FBXO22: variants seen among roughly 807,000 people sequenced by gnomAD.
The protein encoded by FBXO22 is F-box protein 22, also known as F-box only protein 22.
FBXO22 carries 13 observed loss-of-function variants against 37.2 expected under a neutral mutation model. That is an observed-to-expected ratio of 0.35 (90% CI 0.23 to 0.56). The LOEUF (loss-of-function observed/expected upper bound fraction) is 0.56, where lower values mean the gene tolerates loss of function less well. Ranked by LOEUF, FBXO22 falls within the 20% of genes least tolerant of loss-of-function variation. The pLI is 0.87. For synonymous variants in FBXO22, 189 were observed against 189.1 expected (o/e 1.00, Z 0.00); for missense variants, 446 against 509.9 (o/e 0.87, Z 1.21).
intron 2 of FBXO22, among the ~76,000 whole-genome samples, chr15:75,905,086 G>A (rs1279590063): frequency 6.6e-6 from 1 of 152,088 alleles, no homozygotes; most frequent in African/African-American, 2.4e-5. Flanking sequence ...GCCTCCCAAA[G>A]TGCTGGGATT....
At chr15:75,927,273 T>A (rs1252691928) in intron 5 of FBXO22, among the ~76,000 whole-genome samples, 3 of 152,204 alleles carry the variant, frequency 2.0e-5, no homozygotes, top group Non-Finnish European at 2.9e-5. Context: ...TGAGATTTTT[T>A]TAAAATTTTC....
rs918019733 is a variant in FBXO22, at chr15:75,939,349, G to A, written c.*6247G>A. The A allele has an allele frequency of 1.3e-5, 2 of 151,946 alleles. No individual in the cohort carries two copies. The highest frequency in any genetic ancestry group is 2.9e-5 in the Non-Finnish European group (2 of 67,976). The allele number at this position is 151,946 out of a possible 1,614,324, so 9.4% of individuals were successfully genotyped here. ...GCTCAAAGTCCTAGAAATGCAAAACGTACTACTGCTGAACTATGAAAAAAA... is the reference window on the plus strand; with the variant it reads ...GCTCAAAGTCCTAGAAATGCAAAACATACTACTGCTGAACTATGAAAAAAA... On this transcript the variant is annotated 3_prime_UTR_variant, in exon 7 of 7. Coordinates refer to ENST00000308275, the MANE Select transcript of FBXO22 (RefSeq NM_147188.3).
intron 5 of FBXO22, among the ~76,000 whole-genome samples, chr15:75,926,821 A>G (rs145351222): frequency 3.3e-4 from 50 of 152,348 alleles, no homozygotes; most frequent in African/African-American, 1.2e-3. Context: ...TACATAAGAT[A>G]AGGTGAACCT....
At chr15:75,915,873 C>T (rs933059484) in intron 4 of FBXO22, among the ~76,000 whole-genome samples, 8 of 149,764 alleles carry the variant, frequency 5.3e-5, no homozygotes, top group Non-Finnish European at 8.9e-5. Context: ...GCACTCCATC[C>T]TGGATGATAG....
intron 6 of FBXO22, among the ~76,000 whole-genome samples, chr15:75,931,657 A>C (rs1413551172): frequency 6.6e-6 from 1 of 152,216 alleles, no homozygotes; most frequent in Non-Finnish European, 1.5e-5. Context: ...AGATGTTGGA[A>C]GCATGATACA....
chr15:75,904,923 A>T (rs1899892678), intron 2 of FBXO22, among the ~76,000 whole-genome samples: 1 of 147,922 alleles, frequency 6.8e-6, no homozygotes, highest in Admixed American at 6.9e-5. Context: ...TCCCGGGTTC[A>T]CGCCATTCTC....
intron 4 of FBXO22, among the ~76,000 whole-genome samples, chr15:75,916,401 C>T (rs552829008): frequency 6.6e-6 from 1 of 152,198 alleles, no homozygotes; most frequent in Non-Finnish European, 1.5e-5. Context: ...TACAGCTGCT[C>T]TCTCACTGTG....
At chr15:75,931,274 A>AC (rs1212175631) in intron 6 of FBXO22, among the ~76,000 whole-genome samples, 1 of 151,678 alleles carries the variant, frequency 6.6e-6, no homozygotes, top group Non-Finnish European at 1.5e-5. Flanking sequence ...TAAGAGAAAC[A>AC]CCCCCCACCC....
chr15:75,919,752 G>C (rs1900277066), intron 5 of FBXO22, among the ~76,000 whole-genome samples: 2 of 152,182 alleles, frequency 1.3e-5, no homozygotes, highest in African/African-American at 4.8e-5. Context: ...AGTTTGTGGG[G>C]GGAATAGTAG....
intron 6 of FBXO22, chr15:75,930,614 T>C: frequency 1.0e-6 from 1 of 985,616 alleles, no homozygotes; most frequent in Non-Finnish European, 1.2e-6. Context: ...TCTTTTTTGT[T>C]ACTAAGGCTT....
In FBXO22 at chr15:75,904,212, C is replaced by T. The variant is rs931483895; in HGVS notation, c.140+109C>T. ...CCTTGGGACCCACCAGGGCCGTCCC[C>T]GGCTCGCTCGCCCTACCTGAGGTGA... is the stretch of plus-strand genomic sequence containing the variant. On this transcript the variant is annotated intron_variant, in intron 1 of 6. Coordinates refer to ENST00000308275, the MANE Select transcript of FBXO22 (RefSeq NM_147188.3). The T allele has an allele frequency of 4.3e-6, 6 of 1,384,362 alleles. No individual in the cohort carries two copies. The African/African-American group carries it at 7.3e-5, about 17-fold the overall frequency. 85.8% of individuals were successfully genotyped at this position (1,384,362 alleles called of 1,614,324 possible). A position where few individuals can be genotyped will look rare whatever the true frequency, so the allele number is the denominator to read the frequency against.
intron 5 of FBXO22, among the ~76,000 whole-genome samples, chr15:75,925,226 G>A (rs890313225): frequency 6.6e-6 from 1 of 152,092 alleles, no homozygotes. Flanking sequence ...TGTGAATTTT[G>A]GAAGTATTGA....
At chr15:75,908,250 A>G (rs997381515) in intron 2 of FBXO22, among the ~76,000 whole-genome samples, 2 of 150,480 alleles carry the variant, frequency 1.3e-5, no homozygotes, top group South Asian at 4.2e-4. Context: ...TGCCACTAAG[A>G]CCTAAATCTG....
intron 5 of FBXO22, among the ~76,000 whole-genome samples, chr15:75,918,449 T>C (rs1900240340): frequency 6.6e-6 from 1 of 151,940 alleles, no homozygotes; most frequent in Non-Finnish European, 1.5e-5. Context: ...TCAAAGTAGA[T>C]GGTGGAAAGT....
rs150210484 is a variant in FBXO22 at position 75,909,121 on chromosome 15, T to G, written c.280-4082T>G. Among the ~76,000 whole-genome samples the G allele has an allele frequency of 1.1e-4, 16 of 152,362 alleles. No homozygotes were observed. The East Asian group carries it at 2.7e-3, about 26-fold the overall frequency. ...AAATATATCATCCTTTTCATTTAAT[T>G]CAGCTGCTTTGCCGCTTGTCTTCAA... is the stretch of plus-strand genomic sequence containing the variant. On this transcript the variant is annotated intron_variant, in intron 2 of 6. Coordinates refer to ENST00000308275, the MANE Select transcript of FBXO22 (RefSeq NM_147188.3).
chr15:75,928,848 A>G (rs2029901603), intron 5 of FBXO22, among the ~76,000 whole-genome samples: 2 of 152,188 alleles, frequency 1.3e-5, no homozygotes, highest in South Asian at 4.1e-4. Context: ...TCCTAGCGGT[A>G]GCAGCTTTTA....
chr15:75,919,339 CTGTGAG>C, intron 5 of FBXO22, among the ~76,000 whole-genome samples: 1 of 152,214 alleles, frequency 6.6e-6, no homozygotes, highest in Admixed American at 6.5e-5. Flanking sequence ...AAAATGGTAA[CTGTGAG>C]ATAATGCATA....
intron 2 of FBXO22, among the ~76,000 whole-genome samples, chr15:75,905,328 T>C (rs911901278): frequency 6.6e-6 from 1 of 152,176 alleles, no homozygotes; most frequent in Non-Finnish European, 1.5e-5. Context: ...TGTACTCTTT[T>C]GCTTCTCTGG....
chr15:75,921,761 A>AT (rs534871080), intron 5 of FBXO22, among the ~76,000 whole-genome samples: 15 of 150,530 alleles, frequency 1.0e-4, no homozygotes, highest in Admixed American at 4.0e-4. Flanking sequence ...TCCACCTTTA[A>AT]TTTTTTTTTT....
Sources: gnomAD v4.1 joint callset for allele counts (sites outside exome capture counted in the v4.1 genomes callset) on GRCh38, gnomAD v4.1.1 for gene constraint, MANE v1.5 for transcripts, NCBI Gene and HGNC (gene_info 2026-07-23, HGNC 2026-07-21) for gene names.